The following MVB12B variants were observed in gnomAD, a reference collection of about 807,000 sequenced individuals.
The protein encoded by MVB12B is ESCRT-I complex subunit MVB12B.
MVB12B carries 16 observed loss-of-function variants against 41.6 expected under a neutral mutation model. That is an observed-to-expected ratio of 0.38 (90% confidence interval 0.26 to 0.58). MVB12B has a LOEUF of 0.58. Among genes scored for constraint, MVB12B ranks in the 20% least tolerant of loss-of-function variants. MVB12B has a pLI of 0.62. For missense variants in MVB12B, 274 were observed against 380.2 expected, an observed-to-expected ratio of 0.72 and a Z score of 2.32; for synonymous variants, 133 against 139.7, an observed-to-expected ratio of 0.95 and a Z score of 0.34.
chr9:126,357,009 G>A (rs1034315648), intron 2 of MVB12B, among the ~76,000 whole-genome samples: 2 of 152,100 alleles, frequency 1.3e-5, no homozygotes, highest in Admixed American at 1.3e-4. Flanking sequence ...GACTAGCAAT[G>A]CAAGAATGGC....
intron 6 of MVB12B, among the ~76,000 whole-genome samples, chr9:126,397,809 G>A (rs1831158900): frequency 6.6e-6 from 1 of 152,130 alleles, no homozygotes; most frequent in Admixed American, 6.5e-5. Context: ...TGAAGACCTA[G>A]GAAAGGATGA....
chr9:126,458,646 C>T (rs532804029), intron 7 of MVB12B, among the ~76,000 whole-genome samples: 22 of 152,304 alleles, frequency 1.4e-4, no homozygotes, highest in African/African-American at 5.3e-4. Context: ...CGCCTGGTTG[C>T]GACAGCAGCC....
Position 126,486,655 on chromosome 9 carries a change from T to C in MVB12B, c.873+2623T>C, listed in dbSNP as rs1833624510. On this transcript the variant is annotated intron_variant, in intron 9 of 9. Transcript: ENST00000361171. The surrounding 1 kb of genome is among the most constrained non-coding windows in gnomAD (Gnocchi z 4.7). Reference sequence around the variant, plus strand: ...CACCGTTTAAGCACCTGCTGTGTGCTCAGCCTGGGGCCTGAGGCTTTCCAT... The same window carrying C: ...CACCGTTTAAGCACCTGCTGTGTGCCCAGCCTGGGGCCTGAGGCTTTCCAT... Among the ~76,000 whole-genome samples the C allele has an allele frequency of 6.6e-6, 1 of 152,244 alleles. No homozygotes were observed. The highest frequency in any genetic ancestry group is 1.5e-5 in the Non-Finnish European group (1 of 68,040).
At chr9:126,346,431 A>G (rs1369206964) in intron 2 of MVB12B, among the ~76,000 whole-genome samples, 1 of 152,128 alleles carries the variant, frequency 6.6e-6, no homozygotes, top group Non-Finnish European at 1.5e-5. Context: ...CTTGCTGGCC[A>G]TGGGTAGATG....
In MVB12B at chr9:126,473,236, C is replaced by T. The variant is rs1477015364; in HGVS notation, c.758-8133C>T. 6.6e-6 allele frequency among the ~76,000 whole-genome samples: 1 copy of T among 152,156 alleles called. No individual in the cohort carries two copies. The highest frequency in any genetic ancestry group is 1.5e-5 in the Non-Finnish European group (1 of 68,024). On this transcript the variant is annotated intron_variant, in intron 7 of 9. Coordinates refer to ENST00000361171, the MANE Select transcript of MVB12B (RefSeq NM_033446.3). This position sits in a 1 kb window ranked among gnomAD's most constrained non-coding sequence, Gnocchi z 4.0. ...GGCCTGTGCAACAGCTGCACATCTG[C>T]ACCTGCTGAGCTGCAGCAAAAACTC...
At chr9:126,458,420 C>G (rs921207973) in intron 7 of MVB12B, among the ~76,000 whole-genome samples, 3 of 152,170 alleles carry the variant, frequency 2.0e-5, no homozygotes, top group African/African-American at 7.2e-5. Context: ...GCTTTCTGAC[C>G]CCTGGCCGGA....
intron 7 of MVB12B, among the ~76,000 whole-genome samples, chr9:126,461,169 A>G (rs1298782291): frequency 1.3e-5 from 2 of 152,228 alleles, no homozygotes; most frequent in Admixed American, 1.3e-4. Flanking sequence ...CGTGGAGGCC[A>G]GGAGTGATGC....
At chr9:126,489,829 C>T (rs1388264003) in intron 9 of MVB12B, among the ~76,000 whole-genome samples, 1 of 152,182 alleles carries the variant, frequency 6.6e-6, no homozygotes, top group Admixed American at 6.5e-5. Context: ...TTTACCTCAT[C>T]GTCCCTCAGC....
At chr9:126,440,471 A>G (rs1159090653) in intron 7 of MVB12B, among the ~76,000 whole-genome samples, 1 of 152,194 alleles carries the variant, frequency 6.6e-6, no homozygotes, top group African/African-American at 2.4e-5. Context: ...AAAAGGTCAC[A>G]TGGGTGTGCT....
Position 126,392,438 on chromosome 9 carries a change from G to A in MVB12B, c.539+243G>A, listed in dbSNP as rs547516185. The stretch of plus-strand genomic sequence containing the variant: ...GCCCTTCTGCGCATTCAGCCTTGAA[G>A]CTCCTCTGGGTCCTTCCCCGACACC... On this transcript the variant is annotated intron_variant, in intron 5 of 9. Coordinates refer to ENST00000361171, the MANE Select transcript of MVB12B (RefSeq NM_033446.3). This position sits in a 1 kb window ranked among gnomAD's most constrained non-coding sequence, Gnocchi z 4.8. Among the ~76,000 whole-genome samples the A allele has an allele frequency of 6.6e-6, 1 of 152,316 alleles. No homozygotes were observed.
intron 1 of MVB12B, among the ~76,000 whole-genome samples, chr9:126,330,357 TCAG>T (rs1829097452): frequency 1.3e-5 from 2 of 151,772 alleles, no homozygotes; most frequent in Non-Finnish European, 1.5e-5. Context: ...CAGATTCTAA[TCAG>T]CAGAGCAGAA....
chr9:126,470,535 G>T (rs56151235), intron 7 of MVB12B, among the ~76,000 whole-genome samples: 42 of 152,096 alleles, frequency 2.8e-4, no homozygotes, highest in African/African-American at 8.7e-4. Context: ...GAGGTGGGGG[G>T]GCTGGTGGCC....
chr9:126,373,447 A>G (rs989706318), intron 2 of MVB12B, among the ~76,000 whole-genome samples: 2 of 152,238 alleles, frequency 1.3e-5, no homozygotes, highest in South Asian at 4.1e-4. Flanking sequence ...CCAGAGGCCT[A>G]TGAACTTCAT....
Position 126,392,735 on chromosome 9 carries a change from G to T in MVB12B, c.539+540G>T, listed in dbSNP as rs1258580418. ...GTCAGGAAGGTGACACTTGAGCAGA[G>T]ACCTGAATGTCAGGAAACCAGCCAT... On this transcript the variant is annotated intron_variant, in intron 5 of 9. Coordinates refer to ENST00000361171, the MANE Select transcript of MVB12B (RefSeq NM_033446.3). This position sits in a 1 kb window ranked among gnomAD's most constrained non-coding sequence, Gnocchi z 4.8. 6.6e-6 allele frequency among the ~76,000 whole-genome samples: 1 copy of T among 152,238 alleles called. No individual in the cohort carries two copies. The highest frequency in any genetic ancestry group is 1.5e-5 in the Non-Finnish European group (1 of 68,048).
At position 126,503,611 on chromosome 9, in the gene MVB12B, G is replaced by A. The variant is rs1019018633; in HGVS notation, c.*348G>A. ...GCAGTTGCCCTGGCCGCCCAGTGACGCCCACCGGCTCCCTCCGCTCCCTCC... is the reference window on the plus strand; with the variant it reads ...GCAGTTGCCCTGGCCGCCCAGTGACACCCACCGGCTCCCTCCGCTCCCTCC... On this transcript the variant is annotated 3_prime_UTR_variant, in exon 10 of 10. Transcript: ENST00000361171. The A allele has an allele frequency of 8.9e-5, 30 of 337,288 alleles. No individual in the cohort carries two copies. Among genetic ancestry groups the A allele is most frequent in the African/African-American group, 2.8e-4 (11 of 39,938 alleles). 20.9% of individuals were successfully genotyped at this position (337,288 alleles called of 1,614,324 possible).
Position 126,504,964 on chromosome 9 carries a change from G to T in MVB12B, c.*1701G>T, listed in dbSNP as rs1448155658. On this transcript the variant is annotated 3_prime_UTR_variant, in exon 10 of 10. Coordinates refer to ENST00000361171, the MANE Select transcript of MVB12B (RefSeq NM_033446.3). ...TTCTGGGGACCTGAGGAGCCCTGTGGCACCCACAGGGGGCACCTATGTCTG... is the reference window on the plus strand; with the variant it reads ...TTCTGGGGACCTGAGGAGCCCTGTGTCACCCACAGGGGGCACCTATGTCTG... The T allele has an allele frequency of 6.6e-6, 1 of 152,214 alleles. No individual in the cohort carries two copies. The highest frequency in any genetic ancestry group is 2.4e-5 in the African/African-American group (1 of 41,442). 9.4% of individuals were successfully genotyped at this position (152,214 alleles called of 1,614,324 possible).
At chr9:126,402,290 G>A (rs1289348543) in intron 6 of MVB12B, among the ~76,000 whole-genome samples, 1 of 152,148 alleles carries the variant, frequency 6.6e-6, no homozygotes. Flanking sequence ...GCAAGAAATG[G>A]TTTGGGGGCA....
rs535288359 is a variant in MVB12B at position 126,480,293 on chromosome 9, A to T, written c.758-1076A>T. On this transcript the variant is annotated intron_variant, in intron 7 of 9. Coordinates refer to ENST00000361171, the MANE Select transcript of MVB12B (RefSeq NM_033446.3). This position sits in a 1 kb window ranked among gnomAD's most constrained non-coding sequence, Gnocchi z 4.9. ...TCCCAGACCTAAGGGAGAAGCCAAC[A>T]CTGGAAAGGCCCCTACCACTGTCCC... Among the ~76,000 whole-genome samples the T allele has an allele frequency of 1.5e-4, 23 of 152,212 alleles. 1 individual carries two copies. In the South Asian group the frequency reaches 4.8e-3, roughly 32 times the overall value.
intron 2 of MVB12B, among the ~76,000 whole-genome samples, chr9:126,365,604 G>C (rs1261011689): frequency 1.3e-5 from 2 of 152,146 alleles, no homozygotes; most frequent in Non-Finnish European, 2.9e-5. Context: ...GCCTCCCAAA[G>C]TGCTAGGATT....
Sources: gnomAD v4.1 joint callset for allele counts (sites outside exome capture counted in the v4.1 genomes callset) on GRCh38, gnomAD v4.1.1 for gene constraint, Gnocchi (gnomAD v3.1) non-coding constraint, MANE v1.5 for transcripts, NCBI Gene and HGNC (gene_info 2026-07-23, HGNC 2026-07-21) for gene names.